Variants in MYO10 observed in about 807,000 individuals in gnomAD.
The protein encoded by MYO10 is unconventional myosin-X.
Under a neutral mutation model 257.3 loss-of-function variants are expected in MYO10, and 133 were observed. That is an observed-to-expected ratio of 0.52 (90% CI 0.45 to 0.60). The LOEUF is 0.60. Among genes scored for constraint, MYO10 ranks in the 20% least tolerant of loss-of-function variants. The pLI is 0.00. For missense variants in MYO10, 2,399 were observed against 2,635.7 expected, an observed-to-expected ratio of 0.91 and a Z score of 1.97; for synonymous variants, 1,104 against 1,028.6, an observed-to-expected ratio of 1.07 and a Z score of -1.40.
chr5:16,716,474 T>C (rs1738877195), intron 19 of MYO10, among the ~76,000 whole-genome samples: 1 of 111,782 alleles, frequency 8.9e-6, no homozygotes, highest in Non-Finnish European at 1.9e-5. Context: ...TTACCGAGCC[T>C]TCCATAATTT....
rs754969669 is a variant in MYO10 at position 16,779,629 on chromosome 5, C to T, written c.846G>A (p.Thr282=). The part of the protein sequence containing the change: ...HEEREEFYLS[T]PENYHYLNQS... ...GATTCAAGTAGTGGTAGTTTTCTGGCGTAGATAAATAAAATTCTTCTACAG... is the reference window on the plus strand; with the variant it reads ...GATTCAAGTAGTGGTAGTTTTCTGGTGTAGATAAATAAAATTCTTCTACAG... The change falls in exon 9 of 41, where the codon ACG becomes ACA. Residue 282 remains threonine (T), a synonymous_variant. Coordinates refer to ENST00000513610, the MANE Select transcript of MYO10 (RefSeq NM_012334.3). 21 of 1,599,662 alleles carry T rather than the reference C, an allele frequency of 1.3e-5. No individual in the cohort carries two copies. The highest frequency in any genetic ancestry group is 1.6e-5 in the Non-Finnish European group (19 of 1,174,018).
At chr5:16,764,227 T>C in intron 12 of MYO10, 23 bp downstream of exon 12, 1 of 1,613,050 alleles carries the variant, frequency 6.2e-7, no homozygotes, top group Non-Finnish European at 8.5e-7. Flanking sequence ...AGAATTCACG[T>C]GCTGCACTGT....
At chr5:16,707,851 C>CAAAT (rs1252992737) in intron 21 of MYO10, among the ~76,000 whole-genome samples, 4 of 152,172 alleles carry the variant, frequency 2.6e-5, no homozygotes, top group Non-Finnish European at 5.9e-5. Context: ...CTTACAAGAA[C>CAAAT]AAATATGTTT....
intron 32 of MYO10, 108 bp downstream of exon 32, chr5:16,681,201 T>C: frequency 2.4e-6 from 3 of 1,229,370 alleles, no homozygotes; most frequent in Non-Finnish European, 3.4e-6. Flanking sequence ...GGACAACTTC[T>C]TTGGGGGGAA....
At chr5:16,828,266 G>A (rs888307356) in intron 2 of MYO10, among the ~76,000 whole-genome samples, 6 of 152,032 alleles carry the variant, frequency 3.9e-5, no homozygotes, top group African/African-American at 1.4e-4. Flanking sequence ...AAGAGAACGT[G>A]GTGTGATTAC....
chr5:16,674,074 A>G (rs1040604951), intron 35 of MYO10, among the ~76,000 whole-genome samples, 185 bp from the exon 36 acceptor site: 2 of 152,146 alleles, frequency 1.3e-5, no homozygotes, highest in Non-Finnish European at 1.5e-5. Flanking sequence ...TAAATACAAA[A>G]AACCCCTAAA....
chr5:16,923,582 C>T (rs974664682), intron 1 of MYO10, among the ~76,000 whole-genome samples: 1 of 150,464 alleles, frequency 6.6e-6, no homozygotes, highest in Non-Finnish European at 1.5e-5. Flanking sequence ...CCACCACACC[C>T]GGCCACCTGG....
At chr5:16,751,082 A>C (rs905100709) in intron 19 of MYO10, among the ~76,000 whole-genome samples, 4 of 152,152 alleles carry the variant, frequency 2.6e-5, no homozygotes, top group Admixed American at 2.6e-4. Flanking sequence ...ATACCTAAAT[A>C]CACACATATT....
At chr5:16,713,347 A>C (rs1006933579) in intron 19 of MYO10, 2 of 985,848 alleles carry the variant, frequency 2.0e-6, no homozygotes, top group Admixed American at 6.1e-5. Context: ...CTGTCTCTCC[A>C]AGGGGCATCT....
chr5:16,880,971 AAAT>A (rs777692098), intron 1 of MYO10, among the ~76,000 whole-genome samples: 13 of 152,330 alleles, frequency 8.5e-5, no homozygotes, highest in Non-Finnish European at 1.3e-4. Flanking sequence ...GAAAGCTTTT[AAAT>A]ATACACCTCC....
intron 1 of MYO10, among the ~76,000 whole-genome samples, chr5:16,917,103 G>A (rs1437701319): frequency 1.3e-5 from 2 of 151,882 alleles, no homozygotes; most frequent in Non-Finnish European, 2.9e-5. Context: ...ATCAATGTTG[G>A]AATAAATAAA....
chr5:16,796,081 C>A (rs370924981), intron 3 of MYO10, among the ~76,000 whole-genome samples: 1 of 149,984 alleles, frequency 6.7e-6, no homozygotes. Flanking sequence ...CCCAGCTACT[C>A]GGGAGGCTGA....
chr5:16,706,945 A>G (rs1199945412), intron 21 of MYO10, among the ~76,000 whole-genome samples: 1 of 152,142 alleles, frequency 6.6e-6, no homozygotes, highest in Admixed American at 6.6e-5. Context: ...CTGTGTCCCC[A>G]CTCAAATCTC....
intron 1 of MYO10, among the ~76,000 whole-genome samples, chr5:16,903,485 C>T (rs1477793864): frequency 6.6e-6 from 1 of 152,186 alleles, no homozygotes; most frequent in Non-Finnish European, 1.5e-5. Context: ...AACTTGCCCA[C>T]GGTCCCAGAG....
rs548484450 is a variant in MYO10, at chr5:16,935,592, C to T, written c.21+196G>A. Among the ~76,000 whole-genome samples, 86 of 152,166 alleles carry T rather than the reference C, an allele frequency of 5.7e-4. No individual in the cohort carries two copies. The South Asian group carries it at 0.013, about 23-fold the overall frequency. ...TACCTCCCGGAGCAAAATGCGAGCGCGGGACAGGACGAAACAAAACCTGCC... is the reference window on the plus strand; with the variant it reads ...TACCTCCCGGAGCAAAATGCGAGCGTGGGACAGGACGAAACAAAACCTGCC... On this transcript the variant is annotated intron_variant, in intron 1 of 40. Coordinates refer to ENST00000513610, the MANE Select transcript of MYO10 (RefSeq NM_012334.3).
intron 10 of MYO10, among the ~76,000 whole-genome samples, chr5:16,768,664 C>CTTTTTTTTTTTTTTTTT (rs34950225): frequency 4.3e-5 from 3 of 70,166 alleles, no homozygotes; most frequent in Non-Finnish European, 4.9e-5. Context: ...TTTCTCTTTT[C>CTTTTTTTTTTTTTTTTT]TTTTTTTTTT....
intron 31 of MYO10, 84 bp downstream of exon 31, chr5:16,681,787 C>T (rs958378813): frequency 3.0e-5 from 44 of 1,453,676 alleles, no homozygotes; most frequent in Non-Finnish European, 4.0e-5. Context: ...AAAAGCAGCT[C>T]GAAATGAAAA....
At chr5:16,691,446 C>T (rs1315856660) in intron 27 of MYO10, among the ~76,000 whole-genome samples, 1 of 151,836 alleles carries the variant, frequency 6.6e-6, no homozygotes, top group Non-Finnish European at 1.5e-5. Flanking sequence ...TGCCTATAAT[C>T]CCAGCACTTT....
chr5:16,802,377 AG>A (rs1162941773), intron 3 of MYO10, among the ~76,000 whole-genome samples: 1 of 152,162 alleles, frequency 6.6e-6, no homozygotes, highest in Non-Finnish European at 1.5e-5. Context: ...AAAAAATAGG[AG>A]CCGGGTGCAG....
Sources: gnomAD v4.1 joint callset for allele counts (sites outside exome capture counted in the v4.1 genomes callset) on GRCh38, gnomAD v4.1.1 for gene constraint, MANE v1.5 for transcripts, NCBI Gene and HGNC (gene_info 2026-07-23, HGNC 2026-07-21) for gene names.